Variants in CRIM1 observed in about 807,000 individuals in gnomAD.
The protein encoded by CRIM1 is cysteine rich transmembrane BMP regulator 1.
CRIM1 carries 32 observed loss-of-function variants against 116.4 expected under a neutral mutation model. The ratio of observed to expected loss-of-function variants is 0.27; its 90% CI spans 0.21 to 0.37. The LOEUF is 0.37. CRIM1 is among the 10% of genes least tolerant of loss of function. CRIM1 has a pLI of 1.00. For missense variants in CRIM1, 1,331 were observed against 1,354.8 expected (o/e 0.98, Z 0.28); for synonymous variants, 590 against 509.2 (o/e 1.16, Z -2.13).
chr2:36,388,895 T>G (rs1363015934), intron 1 of CRIM1, among the ~76,000 whole-genome samples: 1 of 152,252 alleles, frequency 6.6e-6, no homozygotes, highest in Admixed American at 6.5e-5. Context: ...ATTTATTATA[T>G]TGGATCAGTA....
intron 13 of CRIM1, among the ~76,000 whole-genome samples, chr2:36,536,160 C>T (rs1002441621): frequency 2.0e-5 from 3 of 152,220 alleles, no homozygotes; most frequent in Non-Finnish European, 4.4e-5. Flanking sequence ...TCAGAGCACT[C>T]GCTGCAAAGC....
chr2:36,496,488 T>G (rs1406223073), intron 7 of CRIM1, among the ~76,000 whole-genome samples: 2 of 152,192 alleles, frequency 1.3e-5, no homozygotes, highest in African/African-American at 4.8e-5. Context: ...AATACTAATT[T>G]CAGAGGCACA....
chr2:36,500,950 A>T (rs57231318), intron 8 of CRIM1, among the ~76,000 whole-genome samples: 1 of 152,124 alleles, frequency 6.6e-6, no homozygotes, highest in East Asian at 1.9e-4. Flanking sequence ...GGCCTGGCTT[A>T]TTTTTCCAGA....
intron 7 of CRIM1, among the ~76,000 whole-genome samples, chr2:36,484,503 G>C (rs893846911): frequency 6.6e-5 from 10 of 152,116 alleles, no homozygotes; most frequent in Non-Finnish European, 1.5e-4. Context: ...TAACATCCCC[G>C]TGATTACTCA....
chr2:36,543,366 CAG>C (rs1413533192), intron 14 of CRIM1, among the ~76,000 whole-genome samples: 2 of 152,186 alleles, frequency 1.3e-5, no homozygotes, highest in African/African-American at 4.8e-5. Context: ...AACTTTGAGA[CAG>C]AAAACAATCA....
At chr2:36,534,074 T>C in intron 13 of CRIM1, among the ~76,000 whole-genome samples, 1 of 39,960 alleles carries the variant, frequency 2.5e-5, no homozygotes, top group Non-Finnish European at 4.9e-5. Context: ...GGTGAGGGAG[T>C]GGGAAGGAGA....
rs141811757 is a variant in CRIM1 at position 36,533,321 on chromosome 2, G to A, written c.2429-4031G>A. Among the ~76,000 whole-genome samples, 657 of 151,344 alleles carry A rather than the reference G, an allele frequency of 4.3e-3. 4 individuals carry two copies. The highest frequency in any genetic ancestry group is 5.4e-3 in the African/African-American group (220 of 41,096). On this transcript the variant is annotated intron_variant, in intron 13 of 16. Transcript: ENST00000280527. ...GAGGATACTGAGCAAGGTGTTGGTG[G>A]CTCATGCCTATAATTCCAGCATTTT... is the stretch of plus-strand genomic sequence containing the variant.
intron 1 of CRIM1, among the ~76,000 whole-genome samples, chr2:36,373,412 G>A (rs557381173): frequency 8.5e-5 from 13 of 152,312 alleles, no homozygotes; most frequent in Non-Finnish European, 1.6e-4. Context: ...CATTTTCAGT[G>A]ATACAGACAG....
intron 8 of CRIM1, among the ~76,000 whole-genome samples, chr2:36,503,745 G>A (rs1681176523): frequency 6.6e-6 from 1 of 151,988 alleles, no homozygotes; most frequent in South Asian, 2.1e-4. Flanking sequence ...CTTTATATAG[G>A]TATTTATTTT....
chr2:36,470,304 G>C (rs909274162), intron 5 of CRIM1, among the ~76,000 whole-genome samples: 5 of 152,144 alleles, frequency 3.3e-5, no homozygotes, highest in Non-Finnish European at 5.9e-5. Context: ...GAGTTATCTA[G>C]AAGATTTAGC....
intron 1 of CRIM1, among the ~76,000 whole-genome samples, chr2:36,365,030 G>T (rs1338743125): frequency 6.6e-6 from 1 of 152,094 alleles, no homozygotes; most frequent in African/African-American, 2.4e-5. Context: ...TCTCTTCAAA[G>T]GGGTGGGAGT....
chr2:36,468,688 C>T (rs79279238), intron 5 of CRIM1, among the ~76,000 whole-genome samples: 4 of 152,182 alleles, frequency 2.6e-5, no homozygotes, highest in East Asian at 1.9e-4. Flanking sequence ...TCCCATCAGC[C>T]GTCAGCTGGA....
intron 2 of CRIM1, among the ~76,000 whole-genome samples, chr2:36,439,230 C>G (rs894464142): frequency 6.6e-6 from 1 of 152,198 alleles, no homozygotes; most frequent in Admixed American, 6.5e-5. Flanking sequence ...CTCCAACACA[C>G]CCGGTACCCA....
intron 2 of CRIM1, among the ~76,000 whole-genome samples, chr2:36,421,674 T>C (rs771941133): frequency 4.6e-5 from 7 of 152,190 alleles, no homozygotes; most frequent in Admixed American, 2.0e-4. Context: ...GAAACAAATC[T>C]CAAAAAAATT....
At chr2:36,529,375 C>A (rs1010882354) in intron 13 of CRIM1, 1 of 224,480 alleles carries the variant, frequency 4.5e-6, no homozygotes, top group Non-Finnish European at 9.4e-6. Context: ...AGATGGTATA[C>A]CCCGACTTTT....
intron 2 of CRIM1, among the ~76,000 whole-genome samples, chr2:36,429,031 C>G (rs1674670471): frequency 1.3e-5 from 2 of 152,060 alleles, no homozygotes; most frequent in African/African-American, 4.8e-5. Context: ...TTCTACTTTT[C>G]CCCTCTCCCA....
intron 13 of CRIM1, among the ~76,000 whole-genome samples, chr2:36,535,431 A>G (rs534438107): frequency 7.9e-5 from 12 of 152,342 alleles, no homozygotes; most frequent in Admixed American, 7.8e-4. Flanking sequence ...TTTTAGCCTA[A>G]TAACTAGTGT....
At position 36,492,028 on chromosome 2, in the gene CRIM1, T is replaced by G. The variant is rs528966985; in HGVS notation, c.1373-7191T>G. On this transcript the variant is annotated intron_variant, in intron 7 of 16. Transcript: ENST00000280527. ...TAAAAAAAAATTTTAATTTGTCTTT[T>G]GTGGTCTTTTAATAATCTCAATAAT... Among the ~76,000 whole-genome samples the G allele has an allele frequency of 7.9e-5, 12 of 152,324 alleles. No individual in the cohort carries two copies. In the South Asian group the frequency reaches 2.5e-3, roughly 32 times the overall value.
At chr2:36,503,448 C>A (rs1222565670) in intron 8 of CRIM1, among the ~76,000 whole-genome samples, 1 of 152,166 alleles carries the variant, frequency 6.6e-6, no homozygotes, top group Non-Finnish European at 1.5e-5. Flanking sequence ...TGGCATATGG[C>A]CGTTGCTTAC....
Sources: gnomAD v4.1 joint callset for allele counts (sites outside exome capture counted in the v4.1 genomes callset) on GRCh38, gnomAD v4.1.1 for gene constraint, MANE v1.5 for transcripts, NCBI Gene and HGNC (gene_info 2026-07-23, HGNC 2026-07-21) for gene names.